Variants in FNDC1 observed in about 807,000 individuals in gnomAD.
FNDC1 encodes fibronectin type III domain containing 1, also known as fibronectin type III domain-containing protein 1.
Under a neutral mutation model 168.0 loss-of-function variants are expected in FNDC1, and 96 were observed. That is an observed-to-expected ratio of 0.57 (90% confidence interval 0.48 to 0.68). FNDC1 has a LOEUF of 0.68. Among genes scored for constraint, FNDC1 ranks in the 30% least tolerant of loss-of-function variants. The probability of loss-of-function intolerance (pLI) is 0.00; values close to 1 mark genes in which losing one functional copy is unlikely to be tolerated. For synonymous variants in FNDC1, 1,099 were observed against 1,025.9 expected (o/e 1.07, Z -1.36); for missense variants, 2,587 against 2,482.1 (o/e 1.04, Z -0.90).
At chr6:159,192,702 C>T (rs534582716) in intron 1 of FNDC1, among the ~76,000 whole-genome samples, 1 of 152,240 alleles carries the variant, frequency 6.6e-6, no homozygotes. Context: ...ATGGTTAGGC[C>T]AGAAATAGAC....
chr6:159,224,972 G>A (rs758428715), intron 7 of FNDC1, among the ~76,000 whole-genome samples: 2 of 152,106 alleles, frequency 1.3e-5, no homozygotes, highest in Non-Finnish European at 2.9e-5. Context: ...TTTTATAGGT[G>A]CCTCTGTCCT....
chr6:159,233,259 G>C lies in FNDC1; in HGVS notation c.2747G>C (p.Gly916Ala), dbSNP rs778811967. The C allele has an allele frequency of 6.2e-7, 1 of 1,613,944 alleles. No homozygotes were observed. The highest frequency in any genetic ancestry group is 2.2e-5 in the East Asian group (1 of 44,862). Residue 916 changes from glycine (G) to alanine (A), a missense_variant, in exon 11 of 23, where the codon GGG (glycine) becomes GCG (alanine). Transcript: ENST00000297267. The surrounding 1 kb of genome is among the most constrained non-coding windows in gnomAD (Gnocchi z 4.6). ...GACTTAAGGAGAAGCCCGCAGAGAG[G>C]GGCCAGCCTGCATCGGAAGGAACCC... ...WEDLRRSPQR[G>A]ASLHRKEPIP...
intron 6 of FNDC1, among the ~76,000 whole-genome samples, chr6:159,222,721 G>T (rs1782856581): frequency 6.6e-6 from 1 of 152,150 alleles, no homozygotes; most frequent in Non-Finnish European, 1.5e-5. Context: ...CTTCTAAAAT[G>T]TGAGGACATC....
Position 159,225,599 on chromosome 6 carries a change from A to G in FNDC1, c.949A>G (p.Asn317Asp). 6.2e-7 allele frequency: 1 copy of G among 1,613,968 alleles called. No homozygotes were observed. The highest frequency in any genetic ancestry group is 8.5e-7 in the Non-Finnish European group (1 of 1,179,872). ...LARWDYKQIA[N>D]RRVLIENLIP... ...CAGGTGGGATTATAAGCAGATCGCT[A>G]ACAGGCGTGTGCTGATTGAGAACCT... The change falls in exon 8 of 23, where the codon AAC (asparagine) becomes GAC (aspartate). Residue 317 changes from asparagine to aspartate, a missense_variant. Asn to Asp is a conservative substitution (Grantham distance 23). Coordinates refer to ENST00000297267, the MANE Select transcript of FNDC1 (RefSeq NM_032532.3).
chr6:159,203,220 T>C (rs964186939), intron 4 of FNDC1, among the ~76,000 whole-genome samples: 2 of 152,200 alleles, frequency 1.3e-5, no homozygotes, highest in African/African-American at 2.4e-5. Flanking sequence ...CTTCAACATA[T>C]GAATTTGGCA....
chr6:159,222,809 A>G (rs1292788027), intron 6 of FNDC1, among the ~76,000 whole-genome samples: 1 of 152,162 alleles, frequency 6.6e-6, no homozygotes, highest in Non-Finnish European at 1.5e-5. Context: ...ATGTGAGTTG[A>G]GCTTTCCTTC....
chr6:159,234,337 C>A lies in FNDC1; in HGVS notation c.3825C>A (p.Thr1275=), dbSNP rs776172778. ...CCACCGTGAGCCCCGTCGCGGGCAC[C>A]CACCCCTGGCCGCAGTACACCACGC... The part of the protein sequence containing the change: ...SAATVSPVAG[T]HPWPQYTTRA... Residue 1275 remains threonine, a synonymous_variant, in exon 11 of 23, where the codon ACC becomes ACA. Coordinates refer to ENST00000297267, the MANE Select transcript of FNDC1 (RefSeq NM_032532.3). The A allele has an allele frequency of 1.2e-6, 2 of 1,611,002 alleles. No individual in the cohort carries two copies. Among genetic ancestry groups the A allele is most frequent in the East Asian group, 4.5e-5 (2 of 44,770 alleles).
In FNDC1 at chr6:159,269,482, CTAT is replaced by C. The variant is rs1377894783; in HGVS notation, c.5569+1557_5569+1559del. Among the ~76,000 whole-genome samples the C allele has an allele frequency of 4.5e-3, 646 of 142,952 alleles. 1 individual carries two copies. Among genetic ancestry groups the C allele is most frequent in the African/African-American group, 0.016 (605 of 37,264 alleles). The allele number at this position is 142,952 out of a possible 152,430, so 93.8% of individuals were successfully genotyped here. On this transcript the variant is annotated intron_variant, in intron 22 of 22. Transcript: ENST00000297267. ...TCTATCTATCTATCTATCTATCTAT[CTAT>C]CTATCTATCTATCTATCCATCCATC...
intron 14 of FNDC1, among the ~76,000 whole-genome samples, chr6:159,240,317 T>G (rs1178488339): frequency 6.6e-6 from 1 of 152,218 alleles, no homozygotes; most frequent in African/African-American, 2.4e-5. Context: ...TTTCCCAAAG[T>G]GTGTTCCAAT....
chr6:159,252,627 C>T (rs767128177), intron 17 of FNDC1, among the ~76,000 whole-genome samples: 11 of 152,178 alleles, frequency 7.2e-5, no homozygotes, highest in Middle Eastern at 6.8e-3. Context: ...CTACACGGAC[C>T]GCCGTGAAGT....
In FNDC1 at chr6:159,169,509, GACGGCGGCGCCTCGGC is replaced by G. The variant is rs1480331872; in HGVS notation, c.-85_-70del. The G allele has an allele frequency of 2.1e-5, 6 of 279,292 alleles. No individual in the cohort carries two copies. Among genetic ancestry groups the G allele is most frequent in the African/African-American group, 1.4e-4 (6 of 43,850 alleles). 17.3% of individuals were successfully genotyped at this position (279,292 alleles called of 1,614,324 possible). A position where few individuals can be genotyped will look rare whatever the true frequency, so the allele number is the denominator to read the frequency against. ...AACAGACGGACGGCGGCGGGGACCC[GACGGCGGCGCCTCGGC>G]ACTCCCCAGACTCCGGCCAGCGCCC... On this transcript the variant is annotated 5_prime_UTR_variant, in exon 1 of 23. Coordinates refer to ENST00000297267, the MANE Select transcript of FNDC1 (RefSeq NM_032532.3). This position sits in a 1 kb window ranked among gnomAD's most constrained non-coding sequence, Gnocchi z 6.8.
Position 159,233,716 on chromosome 6 carries a change from C to G in FNDC1, c.3204C>G (p.Leu1068=). The G allele has an allele frequency of 6.5e-7, 1 of 1,549,888 alleles. No homozygotes were observed. The highest frequency in any genetic ancestry group is 8.7e-7 in the Non-Finnish European group (1 of 1,146,800). ...CCAGAGGGATGCTCCCCACGGCCCT[C>G]CAGAACCAGGACGAGGATGCCCAGG... ...ASSRGMLPTA[L]QNQDEDAQGS... is the part of the protein sequence containing the mutation. The change falls in exon 11 of 23, where the codon CTC becomes CTG. Residue 1068 remains leucine, a synonymous_variant. Coordinates refer to ENST00000297267, the MANE Select transcript of FNDC1 (RefSeq NM_032532.3). The surrounding 1 kb of genome is among the most constrained non-coding windows in gnomAD (Gnocchi z 4.6).
rs75390938 is a variant in FNDC1, at chr6:159,177,444, A to T, written c.109+7739A>T. Among the ~76,000 whole-genome samples, 462 of 152,162 alleles carry T rather than the reference A, an allele frequency of 3.0e-3. 1 individual carries two copies. Among genetic ancestry groups the T allele is most frequent in the African/African-American group, 0.01 (430 of 41,500 alleles). The stretch of plus-strand genomic sequence containing the variant: ...CTCATCCACAGTCACCCATGGCGGA[A>T]CTCACGGGGCTGGATGGGGTGTGGC... On this transcript the variant is annotated intron_variant, in intron 1 of 22. Transcript: ENST00000297267.
chr6:159,177,037 T>C (rs1221703605), intron 1 of FNDC1, among the ~76,000 whole-genome samples: 2 of 152,138 alleles, frequency 1.3e-5, no homozygotes, highest in African/African-American at 4.8e-5. Context: ...TATTTACATG[T>C]GGGCAGTCTG....
chr6:159,267,842 G>A lies in FNDC1; in HGVS notation c.5485G>A (p.Glu1829Lys), dbSNP rs1372984920. 6.2e-7 allele frequency: 1 copy of A among 1,613,758 alleles called. No individual in the cohort carries two copies. The highest frequency in any genetic ancestry group is 8.5e-7 in the Non-Finnish European group (1 of 1,179,808). The change falls in exon 22 of 23, where the codon GAA (glutamate) becomes AAA (lysine). Residue 1829 changes from glutamate (E) to lysine (K), a missense_variant. Physicochemically the swap from Glu to Lys is moderately conservative, Grantham distance 56. Coordinates refer to ENST00000297267, the MANE Select transcript of FNDC1 (RefSeq NM_032532.3). ...CATTGGAGACAGCTGGGGAAGAGGT[G>A]AAGACCATTGCCAATTTGTGGATTC... ...YSIGDSWGRG[E>K]DHCQFVDSHL...
chr6:159,206,554 C>G (rs1284359598), intron 4 of FNDC1, among the ~76,000 whole-genome samples: 1 of 152,162 alleles, frequency 6.6e-6, no homozygotes, highest in African/African-American at 2.4e-5. Flanking sequence ...GAGGAGTGGG[C>G]ATTGACAAGA....
rs371275127 is a variant in FNDC1, at chr6:159,197,484, C to A, written c.163C>A (p.Leu55Met). 6.2e-7 allele frequency: 1 copy of A among 1,613,866 alleles called. No homozygotes were observed. The highest frequency in any genetic ancestry group is 8.5e-7 in the Non-Finnish European group (1 of 1,179,830). The change falls in exon 2 of 23, where the codon CTG (leucine) becomes ATG (methionine). Residue 55 changes from leucine (L) to methionine (M), a missense_variant. Leu to Met is a conservative substitution (Grantham distance 15). Transcript: ENST00000297267. ...HVKLLSTKMG[L>M]KVTWDPPKDA... The stretch of plus-strand genomic sequence containing the variant: ...GAAACTGCTGTCCACTAAAATGGGC[C>A]TGAAAGTCACGTGGGACCCACCCAA...
chr6:159,197,364 A>C (rs1015455279), intron 1 of FNDC1, 67 bp from the exon 2 acceptor site: 2 of 1,404,940 alleles, frequency 1.4e-6, no homozygotes, highest in Admixed American at 4.3e-5. Flanking sequence ...AATATCAAAG[A>C]CGATTAAAAA....
In FNDC1 at chr6:159,232,616, C is replaced by A. The variant is rs749392956; in HGVS notation, c.2104C>A (p.His702Asn). The A allele has an allele frequency of 1.9e-6, 3 of 1,608,678 alleles. No homozygotes were observed. The highest frequency in any genetic ancestry group is 2.5e-6 in the Non-Finnish European group (3 of 1,176,500). Residue 702 changes from histidine (H) to asparagine (N), a missense_variant, in exon 11 of 23, where the codon CAT becomes AAT. His to Asn is a moderately conservative substitution (Grantham distance 68). Coordinates refer to ENST00000297267, the MANE Select transcript of FNDC1 (RefSeq NM_032532.3). This position sits in a 1 kb window ranked among gnomAD's most constrained non-coding sequence, Gnocchi z 4.9. ...AGCCTCGCCGGCCCGGAGGACCCCCCATTCAGGGGCCGCAGAGGAAGATTC... is the reference window on the plus strand; with the variant it reads ...AGCCTCGCCGGCCCGGAGGACCCCCAATTCAGGGGCCGCAGAGGAAGATTC... ...KPASPARRTP[H>N]SGAAEEDSSA...
Sources: allele counts gnomAD v4.1 joint callset (sites outside exome capture counted in the v4.1 genomes callset), GRCh38; gene constraint gnomAD v4.1.1; non-coding constraint Gnocchi (gnomAD v3.1); transcripts MANE v1.5; gene names NCBI Gene and HGNC (gene_info 2026-07-23, HGNC 2026-07-21).